Variants in MYOCD observed in about 807,000 individuals in gnomAD.
The protein encoded by MYOCD is myocardin.
MYOCD carries 32 observed loss-of-function variants against 96.1 expected under a neutral mutation model. That is an observed-to-expected ratio of 0.33 (90% CI 0.25 to 0.45). MYOCD has a LOEUF of 0.45. Ranked by LOEUF, MYOCD falls within the 20% of genes least tolerant of loss-of-function variation. The pLI is 1.00. For synonymous variants in MYOCD, 469 were observed against 469.0 expected (o/e 1.00, Z 0.00); for missense variants, 1,133 against 1,200.6 (o/e 0.94, Z 0.83).
At chr17:12,739,754 TC>T (rs1191426213) in intron 7 of MYOCD, among the ~76,000 whole-genome samples, 1 of 152,214 alleles carries the variant, frequency 6.6e-6, no homozygotes, top group Non-Finnish European at 1.5e-5. Context: ...AAGCCAGTCT[TC>T]CTATGGAAAT....
chr17:12,675,289 C>T (rs928420079), intron 1 of MYOCD, among the ~76,000 whole-genome samples: 1 of 152,112 alleles, frequency 6.6e-6, no homozygotes, highest in Non-Finnish European at 1.5e-5. Flanking sequence ...TGTTGGTGAG[C>T]TATCCATACT....
intron 1 of MYOCD, among the ~76,000 whole-genome samples, chr17:12,693,561 G>T (rs984432184): frequency 6.6e-5 from 10 of 151,618 alleles, no homozygotes; most frequent in Non-Finnish European, 1.0e-4. Context: ...AGTGAGCCAA[G>T]ATTGTGCCAT....
At chr17:12,729,397 G>A (rs760901818) in intron 5 of MYOCD, among the ~76,000 whole-genome samples, 14 of 151,966 alleles carry the variant, frequency 9.2e-5, no homozygotes, top group African/African-American at 3.4e-4. Context: ...TGCCTCTGCC[G>A]CCCTGTGAAG....
intron 1 of MYOCD, among the ~76,000 whole-genome samples, chr17:12,697,363 T>A (rs200710306): frequency 0.068 from 5,051 of 73,894 alleles, 75 homozygotes; most frequent in East Asian, 0.12. Flanking sequence ...ATATATATTT[T>A]TTTTTTTTTT....
chr17:12,744,520 G>A (rs1290920497), intron 8 of MYOCD, 84 bp downstream of exon 8: 1 of 1,493,368 alleles, frequency 6.7e-7, no homozygotes, highest in Non-Finnish European at 9.0e-7. Flanking sequence ...GCACCATGGG[G>A]CCTAGCAAGT....
At chr17:12,730,179 G>T (rs2032127193) in intron 5 of MYOCD, among the ~76,000 whole-genome samples, 1 of 151,992 alleles carries the variant, frequency 6.6e-6, no homozygotes, top group Admixed American at 6.6e-5. Flanking sequence ...CAGGCGTGGT[G>T]GCTCATGCCT....
intron 2 of MYOCD, among the ~76,000 whole-genome samples, chr17:12,709,639 C>G (rs958941927): frequency 2.6e-5 from 4 of 152,212 alleles, no homozygotes; most frequent in African/African-American, 9.6e-5. Context: ...AATCTCACCT[C>G]TAAATCTCAA....
Position 12,736,251 on chromosome 17 carries a change from G to A in MYOCD, c.506G>A (p.Ser169Asn), listed in dbSNP as rs148826320. ...SDGLSPDQTR[S>N]EDPQNSAGSP... The stretch of plus-strand genomic sequence containing the variant: ...GGGCTTTCTCCGGATCAGACTCGAA[G>A]TGAAGACCCCCAAAACTCAGCGGGA... Residue 169 changes from serine (S) to asparagine (N), a missense_variant, in exon 6 of 14, where the codon AGT becomes AAT. Ser to Asn is a conservative substitution (Grantham distance 46). Coordinates refer to ENST00000425538, the MANE Select transcript of MYOCD (RefSeq NM_001146312.3). The A allele has an allele frequency of 2.6e-4, 422 of 1,614,210 alleles. 2 individuals carry two copies. Among genetic ancestry groups the A allele is most frequent in the Middle Eastern group, 2.3e-3 (14 of 6,062 alleles).
chr17:12,756,264 G>T, intron 10 of MYOCD, 150 bp from the exon 11 acceptor site: 1 of 911,992 alleles, frequency 1.1e-6, no homozygotes. Flanking sequence ...TAAAAAGCCA[G>T]ATTTTAGGCA....
intron 11 of MYOCD, 109 bp downstream of exon 11, chr17:12,756,666 A>AGTCTG: frequency 8.2e-5 from 61 of 743,182 alleles, no homozygotes; most frequent in South Asian, 2.7e-4. Context: ...ACTGCACTCC[A>AGTCTG]GCCCAGGTGA....
intron 1 of MYOCD, among the ~76,000 whole-genome samples, chr17:12,673,589 A>G (rs1438211213): frequency 6.6e-6 from 1 of 152,204 alleles, no homozygotes; most frequent in Non-Finnish European, 1.5e-5. Flanking sequence ...TCTTTATATT[A>G]TAAATAACAC....
At chr17:12,675,275 A>G (rs1440800529) in intron 1 of MYOCD, among the ~76,000 whole-genome samples, 1 of 152,208 alleles carries the variant, frequency 6.6e-6, no homozygotes, top group Non-Finnish European at 1.5e-5. Flanking sequence ...AGATACACCT[A>G]TCGTGTTGGT....
chr17:12,713,753 C>T (rs931843430), intron 2 of MYOCD, among the ~76,000 whole-genome samples: 2 of 151,952 alleles, frequency 1.3e-5, no homozygotes, highest in South Asian at 2.1e-4. Flanking sequence ...ATTCCACCTG[C>T]GATCAAACAC....
At chr17:12,758,692 A>AGGG (rs1290347736) in intron 12 of MYOCD, among the ~76,000 whole-genome samples, 1 of 152,232 alleles carries the variant, frequency 6.6e-6, no homozygotes, top group East Asian at 1.9e-4. Context: ...AAATGCAAGG[A>AGGG]GGTTCACTGT....
chr17:12,715,881 G>T (rs529093246), intron 3 of MYOCD, among the ~76,000 whole-genome samples: 4 of 152,056 alleles, frequency 2.6e-5, no homozygotes, highest in African/African-American at 9.7e-5. Context: ...AAGTGGAGTC[G>T]GTTTTCAAGC....
Position 12,753,308 on chromosome 17 carries a change from G to T in MYOCD, c.2020G>T (p.Val674Phe). The change falls in exon 10 of 14, where the codon GTC (valine) becomes TTC (phenylalanine). Residue 674 changes from valine to phenylalanine, a missense_variant. Physicochemically the swap from Val to Phe is conservative, Grantham distance 50 (BLOSUM62 -1). Transcript: ENST00000425538. ...SSGAQGEGHR[V>F]SSPISSQVCT... ...CGGGGCCCAGGGAGAAGGGCACAGG[G>T]TCTCCTCGCCCATCAGCAGCCAGGT... 6.2e-7 allele frequency: 1 copy of T among 1,609,978 alleles called. No individual in the cohort carries two copies. The highest frequency in any genetic ancestry group is 8.5e-7 in the Non-Finnish European group (1 of 1,177,922).
In MYOCD at chr17:12,765,925, A is replaced by G. The variant is rs192480041; in HGVS notation, c.*2281A>G. The G allele has an allele frequency of 5.3e-5, 8 of 152,356 alleles. No homozygotes were observed. The highest frequency in any genetic ancestry group is 2.0e-4 in the Admixed American group (3 of 15,300). The allele number at this position is 152,356 out of a possible 1,614,324, so 9.4% of individuals were successfully genotyped here. A position where few individuals can be genotyped will look rare whatever the true frequency, so the allele number is the denominator to read the frequency against. On this transcript the variant is annotated 3_prime_UTR_variant, in exon 14 of 14. Transcript: ENST00000425538. ...TCCTTTTATCTGTATTGTGCTTTAA[A>G]AGATCCACATGGTAAATTTTTTATT...
intron 11 of MYOCD, among the ~76,000 whole-genome samples, chr17:12,757,817 C>G (rs541533236): frequency 3.3e-5 from 5 of 151,950 alleles, no homozygotes; most frequent in Admixed American, 1.3e-4. Flanking sequence ...TTGAATTGGA[C>G]TGTTACTTAT....
At chr17:12,733,809 T>C (rs997601244) in intron 5 of MYOCD, among the ~76,000 whole-genome samples, 2 of 148,786 alleles carry the variant, frequency 1.3e-5, no homozygotes, top group Non-Finnish European at 3.0e-5. Context: ...GGAGTTTCAG[T>C]GAGTTGAGAT....
Sources: gnomAD v4.1 joint callset for allele counts (sites outside exome capture counted in the v4.1 genomes callset) on GRCh38, gnomAD v4.1.1 for gene constraint, MANE v1.5 for transcripts, NCBI Gene and HGNC (gene_info 2026-07-23, HGNC 2026-07-21) for gene names.